ADCY4: variants seen among roughly 807,000 people sequenced by gnomAD.
ADCY4 encodes the protein adenylate cyclase type 4.
In ADCY4, 111 loss-of-function variants were observed where a neutral mutation model predicts 125.5. The ratio of observed to expected loss-of-function variants is 0.88; its 90% CI spans 0.76 to 1.04. ADCY4 has a LOEUF of 1.04. Ranked by LOEUF, ADCY4 falls within the 50% of genes least tolerant of loss-of-function variation. The pLI, the probability that ADCY4 is intolerant of heterozygous loss-of-function variation, is 0.00. For missense variants in ADCY4, 1,256 were observed against 1,382.9 expected, an observed-to-expected ratio of 0.91 and a Z score of 1.46; for synonymous variants, 576 against 586.9, an observed-to-expected ratio of 0.98 and a Z score of 0.27.
rs1360678145 is a variant in ADCY4 at position 24,329,849 on chromosome 14, C to G, written c.1217+11G>C. 4 of 1,611,054 alleles carry G rather than the reference C, an allele frequency of 2.5e-6. No homozygotes were observed. Among genetic ancestry groups the G allele is most frequent in the Non-Finnish European group, 3.4e-6 (4 of 1,178,132 alleles). On this transcript the variant is annotated intron_variant, in intron 8 of 24. Coordinates refer to ENST00000418030, the MANE Select transcript of ADCY4 (RefSeq NM_001198568.2). ...CCTTCTGCTGTAGCTGCCTAGGGCC[C>G]TAGGTCTCACCCTGGTACACCGCCT...
At position 24,326,156 on chromosome 14, in the gene ADCY4, G is replaced by T. The variant is rs376160538; in HGVS notation, c.1578C>A (p.Thr526=). The part of the protein sequence containing the change: ...STQWSLDRSR[T]PRGLDDELDT... ...CCAGTTCATCATCTAGTCCCCGGGG[G>T]GTACGGCTCCTGCACAGTGAGAGCC... is the stretch of plus-strand genomic sequence containing the variant. Residue 526 remains threonine (T), a synonymous_variant, in exon 12 of 25, where the codon ACC becomes ACA. Transcript: ENST00000418030. 1 of 1,597,172 alleles carries T rather than the reference G, an allele frequency of 6.3e-7. No individual in the cohort carries two copies. Among genetic ancestry groups the T allele is most frequent in the Non-Finnish European group, 8.6e-7 (1 of 1,169,102 alleles).
rs1216907827 is a variant in ADCY4 at position 24,329,830 on chromosome 14, G to A, written c.1217+30C>T. On this transcript the variant is annotated intron_variant, in intron 8 of 24. Transcript: ENST00000418030. ...CTGTGGTAGGCCTGGTTGGCCTTCTGCTGTAGCTGCCTAGGGCCCTAGGTC... is the reference window on the plus strand; with the variant it reads ...CTGTGGTAGGCCTGGTTGGCCTTCTACTGTAGCTGCCTAGGGCCCTAGGTC... 7 of 1,600,442 alleles carry A rather than the reference G, an allele frequency of 4.4e-6. No individual in the cohort carries two copies. The East Asian group carries it at 8.9e-5, about 20-fold the overall frequency.
chr14:24,318,455 G>C lies in ADCY4; in HGVS notation c.3195C>G (p.Asp1065Glu), dbSNP rs1334972813. The C allele has an allele frequency of 1.2e-6, 2 of 1,614,212 alleles. No homozygotes were observed. Among genetic ancestry groups the C allele is most frequent in the Admixed American group, 3.3e-5 (2 of 60,020 alleles). The change falls in exon 25 of 25, where the codon GAC (aspartate) becomes GAG (glutamate). Residue 1065 changes from aspartate to glutamate, a missense_variant. Coordinates refer to ENST00000418030, the MANE Select transcript of ADCY4 (RefSeq NM_001198568.2). ...CTGAAGGAGGTCCAGTTCGTGTCAAGTCTGTGTTCAGGAAGTAGGTGCAGA... is the reference window on the plus strand; with the variant it reads ...CTGAAGGAGGTCCAGTTCGTGTCAACTCTGTGTTCAGGAAGTAGGTGCAGA... ...GQLCTYFLNT[D>E]LTRTGPPSAT...
chr14:24,329,426 G>T lies in ADCY4; in HGVS notation c.1325C>A (p.Pro442His). The T allele has an allele frequency of 1.3e-6, 2 of 1,567,552 alleles. No individual in the cohort carries two copies. Among genetic ancestry groups the T allele is most frequent in the Non-Finnish European group, 1.7e-6 (2 of 1,160,384 alleles). ...RDPYLRELGE[P>H]TYLVIDPRAE... ...CCGTGGATCGATGACCAGATAGGTA[G>T]GCTCCCCTAGCTCCCGAAGGTAGGG... Residue 442 changes from proline (P) to histidine (H), a missense_variant, in exon 9 of 25, where the codon CCT becomes CAT. Pro to His is a moderately conservative substitution (Grantham distance 77). Transcript: ENST00000418030.
In ADCY4 at chr14:24,322,712, A is replaced by G. The variant is rs1254243189; in HGVS notation, c.2343-4T>C. 1 of 1,613,814 alleles carries G rather than the reference A, an allele frequency of 6.2e-7. No homozygotes were observed. Among genetic ancestry groups the G allele is most frequent in the Admixed American group, 1.7e-5 (1 of 59,968 alleles). The stretch of plus-strand genomic sequence containing the variant: ...GGGCTCCTTCAGCACTCCGGGCCTG[A>G]AGGGGCCATGGATCAGGGTGACCCC... On this transcript the variant is annotated splice_region_variant and splice_polypyrimidine_tract_variant and intron_variant, in intron 18 of 24. Coordinates refer to ENST00000418030, the MANE Select transcript of ADCY4 (RefSeq NM_001198568.2).
rs1206239682 is a variant in ADCY4, at chr14:24,319,305, G to T, written c.2841+24C>A. 5.6e-6 allele frequency: 9 copies of T among 1,612,186 alleles called. No individual in the cohort carries two copies. Among genetic ancestry groups the T allele is most frequent in the Non-Finnish European group, 5.9e-6 (7 of 1,178,360 alleles). On this transcript the variant is annotated intron_variant, in intron 22 of 24. Coordinates refer to ENST00000418030, the MANE Select transcript of ADCY4 (RefSeq NM_001198568.2). This position sits in a 1 kb window ranked among gnomAD's most constrained non-coding sequence, Gnocchi z 4.5. Reference sequence around the variant, plus strand: ...ATCAATGAGAGCCCAGAGGAGGATGGTAGGTAAGGAAGGGTTGCCGTACCT... The same window carrying T: ...ATCAATGAGAGCCCAGAGGAGGATGTTAGGTAAGGAAGGGTTGCCGTACCT...
Position 24,334,550 on chromosome 14 carries a change from C to CCAGCAG in ADCY4, c.97_102dup (p.Leu33_Leu34dup), listed in dbSNP as rs770683845. The stretch of plus-strand genomic sequence containing the variant: ...GCCGCGAGCGCACAGAGCACGATCC[C>CCAGCAG]CAGCAGCAGCAGCAGCAGCGGGTAC... On this transcript the variant is annotated inframe_insertion, in exon 1 of 25. Transcript: ENST00000418030. 1.3e-6 allele frequency: 2 copies of CCAGCAG among 1,582,822 alleles called. No homozygotes were observed. The highest frequency in any genetic ancestry group is 1.8e-5 in the Admixed American group (1 of 56,404).
At chr14:24,329,269 G>T (rs1432240161) in intron 9 of ADCY4, 35 bp from the exon 10 acceptor site, 1 of 1,607,032 alleles carries the variant, frequency 6.2e-7, no homozygotes, top group South Asian at 1.1e-5. Context: ...AAAGACCACA[G>T]ACACTTCCTC....
chr14:24,332,526 G>C lies in ADCY4; in HGVS notation c.515C>G (p.Pro172Arg). 1.9e-6 allele frequency: 3 copies of C among 1,565,248 alleles called. No homozygotes were observed. The highest frequency in any genetic ancestry group is 2.3e-5 in the East Asian group (1 of 42,644). The change falls in exon 3 of 25, where the codon CCG becomes CGG. Residue 172 changes from proline to arginine, a missense_variant. Coordinates refer to ENST00000418030, the MANE Select transcript of ADCY4 (RefSeq NM_001198568.2). Reference sequence around the variant, plus strand: ...CTGTGCTACTTGCGTGCTCACCTGCGGCAGCAGTGCAGGCCGTGAGTCCGG... The same window carrying C: ...CTGTGCTACTTGCGTGCTCACCTGCCGCAGCAGTGCAGGCCGTGAGTCCGG... The part of the protein sequence containing the change: ...PQPDSRPALL[P>R]QLAANAVLFL...
Position 24,322,659 on chromosome 14 carries a change from TGAA to T in ADCY4, c.2389_2391del (p.Phe797del), listed in dbSNP as rs770201547. 27 of 1,614,122 alleles carry T rather than the reference TGAA, an allele frequency of 1.7e-5. No homozygotes were observed. In the South Asian group the frequency reaches 1.8e-4, roughly 11 times the overall value. On this transcript the variant is annotated inframe_deletion, in exon 19 of 25. Transcript: ENST00000418030. ...AGGACAAGGAGGGTGAAGAAGAAGA[TGAA>T]GAAGGAGATAGCACCCATCAGTTTG...
intron 20 of ADCY4, among the ~76,000 whole-genome samples, chr14:24,321,258 A>AT (rs1555315828): frequency 4.5e-4 from 8 of 17,858 alleles, no homozygotes; most frequent in African/African-American, 1.0e-3. Flanking sequence ...TAAAAAAAAA[A>AT]AATATAAAAA....
At chr14:24,327,846 G>A (rs566037026) in intron 10 of ADCY4, among the ~76,000 whole-genome samples, 8 of 152,286 alleles carry the variant, frequency 5.3e-5, no homozygotes, top group East Asian at 1.9e-4. Flanking sequence ...CAGAGGACAC[G>A]AGCAGTTCCA....
Position 24,330,258 on chromosome 14 carries a change from C to A in ADCY4, c.968G>T (p.Cys323Phe). ...ECMRIKILGD[C>F]YYCVSGLPLS... The stretch of plus-strand genomic sequence containing the variant: ...TGGCAGCCCAGAGACACAGTAGTAA[C>A]AGTCCCCCAGGATCTTGATCCGCAT... The change falls in exon 7 of 25, where the codon TGT becomes TTT. Residue 323 changes from cysteine to phenylalanine, a missense_variant. By Grantham distance (205) the Cys-to-Phe change is radical. Transcript: ENST00000418030. 1 of 1,614,166 alleles carries A rather than the reference C, an allele frequency of 6.2e-7. No homozygotes were observed. Among genetic ancestry groups the A allele is most frequent in the Non-Finnish European group, 8.5e-7 (1 of 1,180,040 alleles).
Position 24,319,867 on chromosome 14 carries a change from C to A in ADCY4, c.2608G>T (p.Glu870Ter). Residue 870 changes from glutamate (E) to a stop codon, truncating the protein, a stop_gained, in exon 21 of 25, where the codon GAA (glutamate) becomes TAA (stop). Transcript: ENST00000418030. LOFTEE classifies it high-confidence loss of function. The surrounding 1 kb of genome is among the most constrained non-coding windows in gnomAD (Gnocchi z 4.5). ...RNEDLYHQSYECVCVLFASVP... is the reference protein window; with the variant it reads ...RNEDLYHQSY ...GAGGCGAAGAGGACACAAACGCATT[C>A]ATAGGACTGGTGGTAGAGATCCTGG... 3 of 1,613,770 alleles carry A rather than the reference C, an allele frequency of 1.9e-6. No homozygotes were observed. In the South Asian group the frequency reaches 3.3e-5, roughly 18 times the overall value.
intron 10 of ADCY4, among the ~76,000 whole-genome samples, chr14:24,326,896 ATT>A (rs3078135): frequency 6.5e-4 from 71 of 109,892 alleles, no homozygotes; most frequent in East Asian, 6.2e-3. Flanking sequence ...ACCTGGCTGG[ATT>A]TTTTTTTTTT....
In ADCY4 at chr14:24,318,753, A is replaced by G; in HGVS notation, c.2982T>C (p.Ala994=). Residue 994 remains alanine, a synonymous_variant, in exon 24 of 25, where the codon GCT becomes GCC. Transcript: ENST00000418030. Reference sequence around the variant, plus strand: ...GCGGCTTCTGGGCCCCAATAACTCCAGCTACTACGGGTCCATGGTTCAACC... The same window carrying G: ...GCGGCTTCTGGGCCCCAATAACTCCGGCTACTACGGGTCCATGGTTCAACC... ...RVGLNHGPVV[A]GVIGAQKPQY... is the part of the protein sequence containing the mutation. 2.5e-6 allele frequency: 4 copies of G among 1,614,056 alleles called. No individual in the cohort carries two copies. Among genetic ancestry groups the G allele is most frequent in the Non-Finnish European group, 3.4e-6 (4 of 1,180,010 alleles).
chr14:24,326,205 C>G, intron 11 of ADCY4, 40 bp from the exon 12 acceptor site: 1 of 1,612,500 alleles, frequency 6.2e-7, no homozygotes, highest in South Asian at 1.1e-5. Context: ...CAGAGACCCT[C>G]AGAGCGTCTG....
intron 15 of ADCY4, 30 bp from the exon 16 acceptor site, chr14:24,324,229 C>G: frequency 6.2e-7 from 1 of 1,614,036 alleles, no homozygotes; most frequent in South Asian, 1.1e-5. Context: ...ATCTTAGCCA[C>G]GGGGCTGGGG....
At chr14:24,323,590 G>T (rs1241306888) in intron 16 of ADCY4, 136 bp from the exon 17 acceptor site, 3 of 1,462,890 alleles carry the variant, frequency 2.1e-6, no homozygotes, top group Non-Finnish European at 2.7e-6. Context: ...TTTCTGGTTG[G>T]GAAGGGAACC....
Sources: allele counts gnomAD v4.1 joint callset (sites outside exome capture counted in the v4.1 genomes callset), GRCh38; gene constraint gnomAD v4.1.1; non-coding constraint Gnocchi (gnomAD v3.1); transcripts MANE v1.5; gene names NCBI Gene and HGNC (gene_info 2026-07-23, HGNC 2026-07-21).